RHOBTB2: variants seen among roughly 807,000 people sequenced by gnomAD.
RHOBTB2 encodes the protein Rho related BTB domain containing 2, also known as rho-related BTB domain-containing protein 2.
RHOBTB2 carries 39 observed loss-of-function variants against 66.5 expected under a neutral mutation model. That is an observed-to-expected ratio of 0.59 (90% CI 0.45 to 0.77). RHOBTB2 has a LOEUF of 0.77. Among genes scored for constraint, RHOBTB2 ranks in the 30% least tolerant of loss-of-function variants. The pLI, the probability that RHOBTB2 is intolerant of heterozygous loss-of-function variation, is 0.00. For missense variants in RHOBTB2, 755 were observed against 999.1 expected (o/e 0.76, Z 3.29); for synonymous variants, 390 against 395.0 (o/e 0.99, Z 0.15).
the RHOBTB2 span, among the ~76,000 whole-genome samples, chr8:22,953,048 C>A: frequency 2.6e-5 from 4 of 152,156 alleles, no homozygotes; most frequent in Admixed American, 2.6e-4. Flanking sequence ...GAATTGCATC[C>A]CTTCTCCCCT....
At chr8:22,995,867 G>T, upstream of RHOBTB2, 1 of 1,551,674 alleles carries the variant, frequency 6.4e-7, no homozygotes, top group Non-Finnish European at 8.7e-7. Context: ...CAGGAGAGGG[G>T]TGCCATGAAA....
upstream of RHOBTB2, chr8:22,998,926 T>C (rs565204649): frequency 5.3e-5 from 8 of 152,212 alleles, no homozygotes; most frequent in African/African-American, 1.4e-4. Flanking sequence ...CTTTCAGAGA[T>C]TAGCAGCTAT....
the RHOBTB2 span, among the ~76,000 whole-genome samples, chr8:22,957,405 T>C: frequency 6.6e-6 from 1 of 152,216 alleles, no homozygotes; most frequent in Non-Finnish European, 1.5e-5. Context: ...GGGCTGTTTT[T>C]CAAACACATC....
chr8:22,955,378 C>T, the RHOBTB2 span, among the ~76,000 whole-genome samples: 3 of 152,096 alleles, frequency 2.0e-5, no homozygotes, highest in African/African-American at 7.2e-5. Context: ...ACTGGGACAA[C>T]TGTGGCCCCC....
chr8:22,983,604 C>T (rs537133801), upstream of RHOBTB2, among the ~76,000 whole-genome samples: 1 of 152,036 alleles, frequency 6.6e-6, no homozygotes, highest in South Asian at 2.1e-4. Context: ...GTTATCATAA[C>T]CTAGGTTTTA....
At chr8:22,973,529 T>C in the RHOBTB2 span, among the ~76,000 whole-genome samples, 1 of 152,076 alleles carries the variant, frequency 6.6e-6, no homozygotes, top group Non-Finnish European at 1.5e-5. Flanking sequence ...CCACCACACC[T>C]GGTCTGCTCT....
In RHOBTB2 at chr8:23,004,078, G is replaced by A. The variant is rs528643507; in HGVS notation, c.-10-347G>A. ...CCGGGGAAGGAGGAGGAGAGCAGATGAGTGAGCTGCCCTCTCTGGAGAGGG... is the reference window on the plus strand; with the variant it reads ...CCGGGGAAGGAGGAGGAGAGCAGATAAGTGAGCTGCCCTCTCTGGAGAGGG... On this transcript the variant is annotated intron_variant, in intron 1 of 9. Transcript: ENST00000251822. This position sits in a 1 kb window ranked among gnomAD's most constrained non-coding sequence, Gnocchi z 6.4. 371 of 356,320 alleles carry A rather than the reference G, an allele frequency of 1.0e-3. 3 individuals carry two copies. The highest frequency in any genetic ancestry group is 8.9e-3 in the South Asian group (357 of 40,284). 22.1% of individuals were successfully genotyped at this position (356,320 alleles called of 1,614,324 possible). A position where few individuals can be genotyped will look rare whatever the true frequency, so the allele number is the denominator to read the frequency against.
Position 23,007,294 on chromosome 8 carries a change from G to T in RHOBTB2, c.1049G>T (p.Ser350Ile). The T allele has an allele frequency of 1.2e-6, 2 of 1,613,800 alleles. No homozygotes were observed. Among genetic ancestry groups the T allele is most frequent in the South Asian group, 2.2e-5 (2 of 91,068 alleles). ...LRAASFDVCE[S>I]VDEAGGSGPA... Reference sequence around the variant, plus strand: ...GCAGCCAGCTTTGACGTGTGCGAGAGCGTGGATGAGGCTGGGGGCTCCGGT... The same window carrying T: ...GCAGCCAGCTTTGACGTGTGCGAGATCGTGGATGAGGCTGGGGGCTCCGGT... Residue 350 changes from serine (S) to isoleucine (I), a missense_variant, in exon 5 of 10, where the codon AGC becomes ATC. By Grantham distance (142) the Ser-to-Ile change is moderately radical. Coordinates refer to ENST00000251822, the MANE Select transcript of RHOBTB2 (RefSeq NM_015178.3).
At chr8:22,978,336 A>G in the RHOBTB2 span, among the ~76,000 whole-genome samples, 1 of 151,796 alleles carries the variant, frequency 6.6e-6, no homozygotes, top group Non-Finnish European at 1.5e-5. Flanking sequence ...AAATACAAAA[A>G]ATTAGCCAGG....
At chr8:22,964,719 A>G in the RHOBTB2 span, among the ~76,000 whole-genome samples, 1 of 152,174 alleles carries the variant, frequency 6.6e-6, no homozygotes, top group African/African-American at 2.4e-5. Flanking sequence ...TTCTTGTAGC[A>G]TCTTAAGAAT....
At chr8:22,982,867 T>C (rs1810233159), upstream of RHOBTB2, among the ~76,000 whole-genome samples, 1 of 152,170 alleles carries the variant, frequency 6.6e-6, no homozygotes, top group East Asian at 1.9e-4. Flanking sequence ...GGGTGAGGGC[T>C]GGTTTCTCAC....
intron 3 of RHOBTB2, 106 bp from the exon 4 acceptor site, chr8:23,005,854 C>G: frequency 2.0e-6 from 2 of 1,025,176 alleles, no homozygotes. Context: ...GAGCAGATAC[C>G]TAAGCCAGGT....
upstream of RHOBTB2, among the ~76,000 whole-genome samples, chr8:22,985,485 G>T (rs1810271271): frequency 6.6e-6 from 1 of 152,176 alleles, no homozygotes; most frequent in South Asian, 2.1e-4. Context: ...CTTGAACACA[G>T]TGTTTATAGA....
intron 1 of RHOBTB2, among the ~76,000 whole-genome samples, chr8:22,991,094 C>T (rs1810414892): frequency 6.6e-6 from 1 of 152,124 alleles, no homozygotes; most frequent in Non-Finnish European, 1.5e-5. Flanking sequence ...GTGGGATTCC[C>T]GTGGGTGAGC....
At chr8:22,976,624 T>C in the RHOBTB2 span, among the ~76,000 whole-genome samples, 1 of 152,086 alleles carries the variant, frequency 6.6e-6, no homozygotes, top group Non-Finnish European at 1.5e-5. Context: ...CATAGCATAA[T>C]CCATAGAACT....
At chr8:22,967,119 C>T in the RHOBTB2 span, among the ~76,000 whole-genome samples, 1 of 152,194 alleles carries the variant, frequency 6.6e-6, no homozygotes, top group Non-Finnish European at 1.5e-5. Context: ...ATCTCATTAA[C>T]TTGAAGCAAC....
At chr8:22,975,195 C>T in the RHOBTB2 span, among the ~76,000 whole-genome samples, 5 of 152,198 alleles carry the variant, frequency 3.3e-5, no homozygotes, top group African/African-American at 1.2e-4. Flanking sequence ...CCCACCCAAA[C>T]CAGCCCTCTC....
chr8:23,005,352 C>G lies in RHOBTB2; in HGVS notation c.193-20C>G. The G allele has an allele frequency of 6.3e-7, 1 of 1,595,036 alleles. No homozygotes were observed. The highest frequency in any genetic ancestry group is 8.6e-7 in the Non-Finnish European group (1 of 1,163,096). On this transcript the variant is annotated intron_variant, in intron 2 of 9. Coordinates refer to ENST00000251822, the MANE Select transcript of RHOBTB2 (RefSeq NM_015178.3). ...CCAAAACTGCTGCCTTCGAGTCCCA[C>G]TCTTCCTCCCCGTCCCCAGGTGCTG...
the RHOBTB2 span, among the ~76,000 whole-genome samples, chr8:22,964,784 T>TTTTA: frequency 0.036 from 5,148 of 144,158 alleles, 99 homozygotes; most frequent in Non-Finnish European, 0.037. Context: ...ATTAGCTTTA[T>TTTTA]TTTATTTATT....
Sources: gnomAD v4.1 joint callset for allele counts (sites outside exome capture counted in the v4.1 genomes callset) on GRCh38, gnomAD v4.1.1 for gene constraint, Gnocchi (gnomAD v3.1) non-coding constraint, MANE v1.5 for transcripts, NCBI Gene and HGNC (gene_info 2026-07-23, HGNC 2026-07-21) for gene names.